The following PLD5 variants were observed in gnomAD, a reference collection of about 807,000 sequenced individuals.
The protein encoded by PLD5 is phospholipase D family member 5.
PLD5 carries 36 observed loss-of-function variants against 61.1 expected under a neutral mutation model. That is an observed-to-expected ratio of 0.59 (90% CI 0.45 to 0.78). The LOEUF is 0.78. Among genes scored for constraint, PLD5 ranks in the 30% least tolerant of loss-of-function variants. The pLI, the probability that PLD5 is intolerant of heterozygous loss-of-function variation, is 0.00. For missense variants in PLD5, 515 were observed against 644.4 expected, an observed-to-expected ratio of 0.80 and a Z score of 2.17; for synonymous variants, 243 against 242.8, an observed-to-expected ratio of 1.00 and a Z score of -0.01.
intron 4 of PLD5, among the ~76,000 whole-genome samples, chr1:242,240,769 AG>A (rs1465942492): frequency 6.6e-6 from 1 of 152,222 alleles, no homozygotes; most frequent in Non-Finnish European, 1.5e-5. Flanking sequence ...TGGAGAATTC[AG>A]GGATGAAAAA....
At chr1:242,492,496 T>C (rs1340208848) in intron 1 of PLD5, among the ~76,000 whole-genome samples, 4 of 144,654 alleles carry the variant, frequency 2.8e-5, no homozygotes, top group Non-Finnish European at 6.0e-5. Flanking sequence ...CACTCCAGTA[T>C]GGATAACAAG....
rs1662631710 is a variant in PLD5 at position 242,124,496 on chromosome 1, T to C, written c.905A>G (p.Asn302Ser). 1 of 1,613,920 alleles carries C rather than the reference T, an allele frequency of 6.2e-7. No homozygotes were observed. The change falls in exon 6 of 10, where the codon AAT (asparagine) becomes AGT (serine). Residue 302 changes from asparagine to serine, a missense_variant. Around this residue, in one of 2 missense-constraint regions of PLD5, gnomAD observed 450 missense variants for 598.1 expected, o/e 0.75. Coordinates refer to ENST00000536534, the MANE Select transcript of PLD5 (RefSeq NM_001372062.1). Reference sequence around the variant, plus strand: ...TACAAATGCTTGAGATTTGGTTTCATTCAACTGAAGTTGCAATTTCTTTTC... The same window carrying C: ...TACAAATGCTTGAGATTTGGTTTCACTCAACTGAAGTTGCAATTTCTTTTC... ...DNEKKLQLQL[N>S]ETKSQAFVSN... is the part of the protein sequence containing the mutation.
intron 1 of PLD5, among the ~76,000 whole-genome samples, chr1:242,388,315 A>T (rs556016118): frequency 6.6e-6 from 1 of 152,282 alleles, no homozygotes; most frequent in Non-Finnish European, 1.5e-5. Context: ...ACCTATGTGA[A>T]ATGTGTGGTC....
intron 4 of PLD5, among the ~76,000 whole-genome samples, chr1:242,234,094 TGA>T (rs1359473142): frequency 3.3e-5 from 5 of 152,212 alleles, no homozygotes; most frequent in Non-Finnish European, 5.9e-5. Context: ...TTCCTTCCTT[TGA>T]GAACCAATAG....
chr1:242,124,438 G>GAA, intron 6 of PLD5, 30 bp downstream of exon 6: 2 of 1,593,696 alleles, frequency 1.3e-6, no homozygotes, highest in Non-Finnish European at 1.7e-6. Flanking sequence ...GGAAGAAGGA[G>GAA]AAGGGGAGGA....
At chr1:242,388,654 C>A (rs1212277462) in intron 1 of PLD5, among the ~76,000 whole-genome samples, 1 of 152,114 alleles carries the variant, frequency 6.6e-6, no homozygotes, top group Admixed American at 6.6e-5. Flanking sequence ...ATGTAACCAA[C>A]CATGTGAATG....
chr1:242,517,883 G>T lies in PLD5; in HGVS notation c.189+6205C>A, dbSNP rs577504274. Among the ~76,000 whole-genome samples, 5 of 152,170 alleles carry T rather than the reference G, an allele frequency of 3.3e-5. 1 individual carries two copies. The South Asian group carries it at 1.0e-3, about 32-fold the overall frequency. On this transcript the variant is annotated intron_variant, in intron 1 of 9. Coordinates refer to ENST00000536534, the MANE Select transcript of PLD5 (RefSeq NM_001372062.1). ...TAAATATCTGGTGACTGATGAGTTTGCCAATTGGTATTTTTTTTTTATGTC... is the reference window on the plus strand; with the variant it reads ...TAAATATCTGGTGACTGATGAGTTTTCCAATTGGTATTTTTTTTTTATGTC...
chr1:242,296,723 T>TA (rs4039094), intron 2 of PLD5, among the ~76,000 whole-genome samples: 1 of 152,164 alleles, frequency 6.6e-6, no homozygotes, highest in African/African-American at 2.4e-5. Flanking sequence ...ATTTTTTTTT[T>TA]AGAGATGGGG....
At chr1:242,301,112 T>C (rs1676010918) in intron 2 of PLD5, among the ~76,000 whole-genome samples, 1 of 152,164 alleles carries the variant, frequency 6.6e-6, no homozygotes, top group African/African-American at 2.4e-5. Flanking sequence ...TTGGGAGACC[T>C]ATCCCACCCT....
At chr1:242,520,046 C>T (rs1311998504) in intron 1 of PLD5, among the ~76,000 whole-genome samples, 1 of 152,198 alleles carries the variant, frequency 6.6e-6, no homozygotes, top group East Asian at 1.9e-4. Flanking sequence ...CACAGATGTT[C>T]CCTTCCTTCT....
chr1:242,244,933 C>T (rs1161112967), intron 4 of PLD5, among the ~76,000 whole-genome samples: 3 of 152,148 alleles, frequency 2.0e-5, no homozygotes, highest in Non-Finnish European at 4.4e-5. Flanking sequence ...AACTCAGAGA[C>T]CTAATTAGCC....
intron 1 of PLD5, among the ~76,000 whole-genome samples, chr1:242,407,182 C>T (rs929495714): frequency 6.6e-6 from 1 of 152,106 alleles, no homozygotes; most frequent in Non-Finnish European, 1.5e-5. Flanking sequence ...TTTCCCTGCA[C>T]AAGCTTTTTT....
chr1:242,154,667 A>C (rs1310010197), intron 5 of PLD5, among the ~76,000 whole-genome samples: 1 of 152,046 alleles, frequency 6.6e-6, no homozygotes. Context: ...TGTATGTTGA[A>C]CCAGTCTTGC....
intron 1 of PLD5, among the ~76,000 whole-genome samples, chr1:242,408,771 A>G (rs1664378293): frequency 6.6e-6 from 1 of 152,100 alleles, no homozygotes; most frequent in Non-Finnish European, 1.5e-5. Flanking sequence ...AGTGCTTTGA[A>G]AATTTTAGAA....
At chr1:242,443,073 G>T (rs1666348435) in intron 1 of PLD5, among the ~76,000 whole-genome samples, 1 of 152,170 alleles carries the variant, frequency 6.6e-6, no homozygotes, top group Non-Finnish European at 1.5e-5. Context: ...TATTAAATCA[G>T]CCAAAGTGTC....
chr1:242,150,825 A>G (rs1029770844), intron 5 of PLD5, among the ~76,000 whole-genome samples: 2 of 151,940 alleles, frequency 1.3e-5, no homozygotes, highest in East Asian at 3.9e-4. Context: ...ATTAAAATGT[A>G]CTATTTTGAG....
At chr1:242,372,483 A>G (rs991482864) in intron 1 of PLD5, among the ~76,000 whole-genome samples, 1 of 152,214 alleles carries the variant, frequency 6.6e-6, no homozygotes, top group African/African-American at 2.4e-5. Context: ...CCGCATTGCC[A>G]AGTCAATCCT....
At chr1:242,179,964 G>C (rs1667415955) in intron 5 of PLD5, among the ~76,000 whole-genome samples, 1 of 151,892 alleles carries the variant, frequency 6.6e-6, no homozygotes, top group Admixed American at 6.6e-5. Flanking sequence ...GACAGTTGAT[G>C]GTTAACCTGT....
At position 242,110,808 on chromosome 1, in the gene PLD5, T is replaced by TCACACACA. The variant is rs111464015; in HGVS notation, c.1071-2977_1071-2970dup. On this transcript the variant is annotated intron_variant, in intron 7 of 9. Coordinates refer to ENST00000536534, the MANE Select transcript of PLD5 (RefSeq NM_001372062.1). ...TGGGCGACAAGAGCAAAACTCTGTCTCACACACACACACACACACACCAAT... is the reference window on the plus strand; with the variant it reads ...TGGGCGACAAGAGCAAAACTCTGTCTCACACACACACACACACACACACACACACCAAT... 4.3e-3 allele frequency among the ~76,000 whole-genome samples: 639 copies of TCACACACA among 150,142 alleles called. 4 individuals are homozygous for TCACACACA. The highest frequency in any genetic ancestry group is 0.01 in the Middle Eastern group (3 of 288).
Sources: allele counts gnomAD v4.1 joint callset (sites outside exome capture counted in the v4.1 genomes callset), GRCh38; gene constraint gnomAD v4.1.1; regional missense constraint gnomAD v4.1.1; transcripts MANE v1.5; gene names NCBI Gene and HGNC (gene_info 2026-07-23, HGNC 2026-07-21).